The following DSCAM variants were observed in gnomAD, a reference collection of about 807,000 sequenced individuals.
DSCAM encodes the protein DS cell adhesion molecule, also known as cell adhesion molecule DSCAM.
Under a neutral mutation model 217.7 loss-of-function variants are expected in DSCAM, and 47 were observed. The ratio of observed to expected loss-of-function variants is 0.22; its 90% CI spans 0.17 to 0.28. The LOEUF (loss-of-function observed/expected upper bound fraction) is 0.28, where lower values mean the gene tolerates loss of function less well. DSCAM is among the 10% of genes least tolerant of loss of function. DSCAM has a pLI of 1.00. For synonymous variants in DSCAM, 1,056 were observed against 1,015.3 expected (o/e 1.04, Z -0.76); for missense variants, 2,080 against 2,618.3 (o/e 0.79, Z 4.49).
At chr21:40,739,508 G>A (rs922174395) in intron 1 of DSCAM, among the ~76,000 whole-genome samples, 1 of 152,144 alleles carries the variant, frequency 6.6e-6, no homozygotes, top group Middle Eastern at 3.2e-3. Context: ...TCTCTTTCCT[G>A]TGTCTTCACA....
chr21:40,722,724 A>C (rs1424998980), intron 1 of DSCAM, among the ~76,000 whole-genome samples: 1 of 152,126 alleles, frequency 6.6e-6, no homozygotes, highest in Non-Finnish European at 1.5e-5. Flanking sequence ...ACACTCTTAA[A>C]AGTAAAACAT....
chr21:40,254,296 C>A (rs1020047593), intron 11 of DSCAM, among the ~76,000 whole-genome samples: 4 of 151,654 alleles, frequency 2.6e-5, no homozygotes, highest in African/African-American at 9.8e-5. Flanking sequence ...ACACTCCAGG[C>A]AGGGGGAGGG....
chr21:40,183,098 G>A lies in DSCAM; in HGVS notation c.2780-4004C>T, dbSNP rs111525888. On this transcript the variant is annotated intron_variant, in intron 14 of 32. Coordinates refer to ENST00000400454, the MANE Select transcript of DSCAM (RefSeq NM_001389.5). ...GGGCTACCAGAGAAACCGTGGACGG[G>A]GGGGGTTACCAGAGAAACCGTGGAC... Among the ~76,000 whole-genome samples the A allele has an allele frequency of 1.3e-3, 94 of 72,412 alleles. 19 individuals carry two copies. Among genetic ancestry groups the A allele is most frequent in the African/African-American group, 3.2e-3 (41 of 12,920 alleles). The allele number at this position is 72,412 out of a possible 152,430, so 47.5% of individuals were successfully genotyped here. A position where few individuals can be genotyped will look rare whatever the true frequency, so the allele number is the denominator to read the frequency against.
At chr21:40,251,239 TG>T (rs2073300020) in intron 11 of DSCAM, among the ~76,000 whole-genome samples, 1 of 152,096 alleles carries the variant, frequency 6.6e-6, no homozygotes, top group Non-Finnish European at 1.5e-5. Context: ...AGAAGAATAC[TG>T]AGTAACACAG....
Position 40,085,709 on chromosome 21 carries a change from C to T in DSCAM, c.4025G>A (p.Gly1342Glu). ...IDGRRSIFSNGSFIIRTVKAE... is the reference protein window; with the variant it reads ...IDGRRSIFSNESFIIRTVKAE... ...TTTCACCGTGCGAATAATGAAGCTT[C>T]CGTTGCTAAAGATGCTCCTCCGCCC... Residue 1342 changes from glycine to glutamate, a missense_variant, in exon 23 of 33, where the codon GGA becomes GAA. Gly to Glu is a moderately conservative substitution (Grantham distance 98). This residue lies in a region of DSCAM where 1,144 missense variants were observed against 1,421.1 expected (regional missense o/e 0.81). Coordinates refer to ENST00000400454, the MANE Select transcript of DSCAM (RefSeq NM_001389.5). 1 of 1,586,606 alleles carries T rather than the reference C, an allele frequency of 6.3e-7. No homozygotes were observed. The highest frequency in any genetic ancestry group is 8.6e-7 in the Non-Finnish European group (1 of 1,158,938).
At chr21:40,647,401 A>G (rs1427190150) in intron 3 of DSCAM, among the ~76,000 whole-genome samples, 4 of 152,242 alleles carry the variant, frequency 2.6e-5, no homozygotes, top group Non-Finnish European at 2.9e-5. Flanking sequence ...TTATGAAACA[A>G]TAAAAAATCT....
At chr21:40,160,746 T>C (rs1375441982) in intron 16 of DSCAM, among the ~76,000 whole-genome samples, 1 of 152,210 alleles carries the variant, frequency 6.6e-6, no homozygotes, top group Non-Finnish European at 1.5e-5. Context: ...ATACAATACT[T>C]GCCTTCTAAA....
At chr21:40,448,605 A>T (rs1020381545) in intron 3 of DSCAM, among the ~76,000 whole-genome samples, 1 of 151,900 alleles carries the variant, frequency 6.6e-6, no homozygotes, top group African/African-American at 2.4e-5. Flanking sequence ...TAATAAATCA[A>T]TAATAAATCA....
rs79926475 is a variant in DSCAM at position 40,551,125 on chromosome 21, G to A, written c.508+141685C>T. 1.0e-3 allele frequency among the ~76,000 whole-genome samples: 153 copies of A among 152,346 alleles called. 2 individuals carry two copies. The East Asian group carries it at 0.023, about 23-fold the overall frequency. On this transcript the variant is annotated intron_variant, in intron 3 of 32. Coordinates refer to ENST00000400454, the MANE Select transcript of DSCAM (RefSeq NM_001389.5). ...AGCCAAATACCAATGACCATGGCCT[G>A]AGGCATAGCCTCAAGAAGTCCTGAG...
chr21:40,732,365 AAGG>A (rs2146527511), intron 1 of DSCAM, among the ~76,000 whole-genome samples: 1 of 152,346 alleles, frequency 6.6e-6, no homozygotes, highest in African/African-American at 2.4e-5. Context: ...AAATGTTTTC[AAGG>A]AGAATGGTGT....
chr21:40,020,662 C>T (rs576792797), intron 32 of DSCAM, among the ~76,000 whole-genome samples: 6 of 152,264 alleles, frequency 3.9e-5, no homozygotes, highest in Admixed American at 1.3e-4. Context: ...CATGGTCTGA[C>T]GGCAGGAGGA....
intron 11 of DSCAM, among the ~76,000 whole-genome samples, chr21:40,192,017 T>G (rs190648458): frequency 8.9e-4 from 135 of 152,346 alleles, no homozygotes; most frequent in African/African-American, 3.1e-3. Context: ...GGGACATTAA[T>G]TTTTGGGGAT....
intron 16 of DSCAM, among the ~76,000 whole-genome samples, chr21:40,157,435 G>A (rs993924022): frequency 2.0e-5 from 3 of 152,196 alleles, no homozygotes; most frequent in African/African-American, 2.4e-5. Context: ...GACAGGAGAG[G>A]CACTACTAAG....
chr21:40,323,871 A>T (rs1378034348), intron 8 of DSCAM, among the ~76,000 whole-genome samples: 1 of 152,098 alleles, frequency 6.6e-6, no homozygotes, highest in African/African-American at 2.4e-5. Context: ...TGGGAGGCTG[A>T]GGTGGGCGGA....
chr21:40,047,279 A>T (rs2088857062), intron 30 of DSCAM, among the ~76,000 whole-genome samples: 1 of 152,132 alleles, frequency 6.6e-6, no homozygotes, highest in Admixed American at 6.5e-5. Flanking sequence ...CTAAAATATA[A>T]TTTTTACTTG....
intron 9 of DSCAM, among the ~76,000 whole-genome samples, chr21:40,303,720 T>C (rs1382363270): frequency 1.3e-5 from 2 of 152,188 alleles, no homozygotes; most frequent in Non-Finnish European, 2.9e-5. Flanking sequence ...GCATGAGAAT[T>C]CTATCAAAAA....
At chr21:40,017,694 G>C (rs932882143) in intron 32 of DSCAM, among the ~76,000 whole-genome samples, 2 of 151,994 alleles carry the variant, frequency 1.3e-5, no homozygotes, top group Admixed American at 6.6e-5. Context: ...TGGGATTACA[G>C]GCATGCACCA....
intron 19 of DSCAM, among the ~76,000 whole-genome samples, chr21:40,125,420 C>T (rs1255932046): frequency 6.6e-6 from 1 of 152,212 alleles, no homozygotes; most frequent in Non-Finnish European, 1.5e-5. Context: ...AGGGCAACCA[C>T]ATTGATGGAG....
At chr21:40,382,168 T>A (rs2075033152) in intron 3 of DSCAM, among the ~76,000 whole-genome samples, 1 of 152,198 alleles carries the variant, frequency 6.6e-6, no homozygotes, top group Non-Finnish European at 1.5e-5. Flanking sequence ...GTTCTCTCTT[T>A]AAATATTTCT....
Sources: gnomAD v4.1 joint callset for allele counts (sites outside exome capture counted in the v4.1 genomes callset) on GRCh38, gnomAD v4.1.1 for gene constraint, gnomAD v4.1.1 regional missense constraint, MANE v1.5 for transcripts, NCBI Gene and HGNC (gene_info 2026-07-23, HGNC 2026-07-21) for gene names.